Variants in LARP1 observed in about 807,000 individuals in gnomAD.
LARP1 encodes the protein la-related protein 1.
Under a neutral mutation model 122.7 loss-of-function variants are expected in LARP1, and 36 were observed. The observed-to-expected ratio is 0.29, with a 90% CI of 0.22 to 0.39. The LOEUF (loss-of-function observed/expected upper bound fraction) is 0.39, where lower values mean the gene tolerates loss of function less well. Among genes scored for constraint, LARP1 ranks in the 10% least tolerant of loss-of-function variants. The probability of loss-of-function intolerance (pLI) is 1.00; values close to 1 mark genes in which losing one functional copy is unlikely to be tolerated. For synonymous variants in LARP1, 539 were observed against 528.7 expected (o/e 1.02, Z -0.27); for missense variants, 1,040 against 1,403.6 (o/e 0.74, Z 4.14).
At chr5:154,799,840 G>A (rs1167923651) in intron 9 of LARP1, 33 bp from the exon 10 acceptor site, 1 of 1,611,174 alleles carries the variant, frequency 6.2e-7, no homozygotes, top group African/African-American at 1.3e-5. Context: ...AGGAGGACTG[G>A]AGGGATGAGG....
chr5:154,814,027 C>T lies in LARP1; in HGVS notation c.3222C>T (p.Thr1074=), dbSNP rs560438768. The change falls in exon 19 of 19, where the codon ACC becomes ACT. Residue 1074 remains threonine (T), a synonymous_variant. Coordinates refer to ENST00000518297, the MANE Select transcript of LARP1 (RefSeq NM_033551.3). ...TCAGCCAACCCCCTACACCACCCACCGGCCAGCCTGTCCGGGAAGATGCCA... is the reference window on the plus strand; with the variant it reads ...TCAGCCAACCCCCTACACCACCCACTGGCCAGCCTGTCCGGGAAGATGCCA... ...AMISQPPTPP[T]GQPVREDAKW... 39 of 1,614,156 alleles carry T rather than the reference C, an allele frequency of 2.4e-5. No individual in the cohort carries two copies. The highest frequency in any genetic ancestry group is 1.6e-4 in the Middle Eastern group (1 of 6,062).
At chr5:154,692,036 C>T (rs1270311445) in intron 1 of LARP1, among the ~76,000 whole-genome samples, 1 of 152,200 alleles carries the variant, frequency 6.6e-6, no homozygotes, top group Non-Finnish European at 1.5e-5. Flanking sequence ...AGGCGATCCA[C>T]CCGCCTCCGC....
chr5:154,770,967 CCAGGCGTGGCAG>C (rs1755362733), intron 1 of LARP1, among the ~76,000 whole-genome samples: 1 of 152,046 alleles, frequency 6.6e-6, no homozygotes, highest in Non-Finnish European at 1.5e-5. Context: ...CAAAAATTAG[CCAGGCGTGGCAG>C]CAGGCGCCCG....
At chr5:154,738,468 T>C (rs1377772463) in intron 1 of LARP1, among the ~76,000 whole-genome samples, 1 of 152,168 alleles carries the variant, frequency 6.6e-6, no homozygotes, top group East Asian at 1.9e-4. Flanking sequence ...AGCACATGCC[T>C]GTAATCCCAG....
At chr5:154,758,561 G>A (rs529450374) in intron 1 of LARP1, among the ~76,000 whole-genome samples, 2 of 152,206 alleles carry the variant, frequency 1.3e-5, no homozygotes, top group South Asian at 4.1e-4. Context: ...GAGCCTACGT[G>A]GATCTCTGAA....
intron 1 of LARP1, among the ~76,000 whole-genome samples, chr5:154,789,090 A>T (rs1757123835): frequency 1.3e-5 from 2 of 151,920 alleles, no homozygotes. Flanking sequence ...GCGCACTTGC[A>T]GTCCCAGCTA....
At chr5:154,710,103 G>A (rs964233904), upstream of LARP1, among the ~76,000 whole-genome samples, 3 of 152,092 alleles carry the variant, frequency 2.0e-5, no homozygotes, top group African/African-American at 4.8e-5. Context: ...ATGGGGAGCC[G>A]CTGTAAATAC....
chr5:154,778,258 TAA>T (rs577057003), intron 1 of LARP1, among the ~76,000 whole-genome samples: 42 of 119,662 alleles, frequency 3.5e-4, no homozygotes, highest in African/African-American at 5.6e-4. Context: ...AGACTCCGTC[TAA>T]AAAAAAAAAA....
chr5:154,747,846 A>AGAGT (rs1325751451), intron 1 of LARP1, among the ~76,000 whole-genome samples: 1 of 152,096 alleles, frequency 6.6e-6, no homozygotes, highest in Non-Finnish European at 1.5e-5. Context: ...CCTGGGCGAC[A>AGAGT]GAGTGAGACT....
intron 1 of LARP1, among the ~76,000 whole-genome samples, chr5:154,719,863 A>G (rs1266898757): frequency 5.2e-5 from 1 of 19,116 alleles, no homozygotes; most frequent in Non-Finnish European, 9.8e-5. Context: ...CTCTGTCTCA[A>G]AAAAAAAAAA....
chr5:154,770,310 G>C (rs538332543), intron 1 of LARP1, among the ~76,000 whole-genome samples: 1 of 151,214 alleles, frequency 6.6e-6, no homozygotes, highest in Admixed American at 6.6e-5. Context: ...TTGCTATTTC[G>C]TATTTCCTCC....
chr5:154,685,680 T>C (rs1750189351), intron 1 of LARP1: 1 of 378,952 alleles, frequency 2.6e-6, no homozygotes, highest in African/African-American at 2.2e-5. Flanking sequence ...TTGTGCAGAT[T>C]AGAAAAAGGG....
intron 1 of LARP1, chr5:154,685,841 C>T (rs766973220): frequency 6.3e-5 from 32 of 511,438 alleles, no homozygotes; most frequent in Admixed American, 1.0e-4. Flanking sequence ...GAGACGGGGT[C>T]TTGCTCTGTT....
intron 1 of LARP1, among the ~76,000 whole-genome samples, chr5:154,747,488 C>G (rs956016453): frequency 1.3e-5 from 2 of 151,872 alleles, no homozygotes; most frequent in Non-Finnish European, 2.9e-5. Context: ...GGGTGGATCA[C>G]CTGAGGTCGG....
intron 1 of LARP1, chr5:154,718,417 G>A (rs905927217): frequency 6.6e-6 from 1 of 152,186 alleles, no homozygotes; most frequent in Non-Finnish European, 1.5e-5. Context: ...CCAGGCTGGA[G>A]TGCAGTGGCG....
At chr5:154,793,322 T>C (rs1159880063) in intron 4 of LARP1, among the ~76,000 whole-genome samples, 5 of 152,178 alleles carry the variant, frequency 3.3e-5, no homozygotes, top group Non-Finnish European at 5.9e-5. Context: ...GTCTTCATCC[T>C]GGGCTGCCAT....
chr5:154,811,650 ACT>A lies in LARP1; in HGVS notation c.3081+13_3081+14del. 6.2e-7 allele frequency: 1 copy of A among 1,613,928 alleles called. No homozygotes were observed. The highest frequency in any genetic ancestry group is 8.5e-7 in the Non-Finnish European group (1 of 1,179,976). ...AGACTTCCGAGTAGATGTAAGTGAA[ACT>A]CTTTCTCTAACTCTGCTTGTCCTGG... On this transcript the variant is annotated intron_variant, in intron 18 of 18. Coordinates refer to ENST00000518297, the MANE Select transcript of LARP1 (RefSeq NM_033551.3).
At position 154,816,176 on chromosome 5, in the gene LARP1, C is replaced by G. The variant is rs1317089277; in HGVS notation, c.*2080C>G. 3 of 152,836 alleles carry G rather than the reference C, an allele frequency of 2.0e-5. No individual in the cohort carries two copies. The highest frequency in any genetic ancestry group is 4.8e-5 in the African/African-American group (2 of 41,448). 9.5% of individuals were successfully genotyped at this position (152,836 alleles called of 1,614,324 possible). ...ACCAAGGATGAGCGTCTGGTCTCTG[C>G]TATGATGGTGGTATCCGAGGCCTTT... is the stretch of plus-strand genomic sequence containing the variant. On this transcript the variant is annotated 3_prime_UTR_variant, in exon 19 of 19. Coordinates refer to ENST00000518297, the MANE Select transcript of LARP1 (RefSeq NM_033551.3).
At chr5:154,811,927 C>T (rs1294252552) in intron 18 of LARP1, among the ~76,000 whole-genome samples, 2 of 152,190 alleles carry the variant, frequency 1.3e-5, no homozygotes, top group Non-Finnish European at 2.9e-5. Flanking sequence ...CCAAGTTAGC[C>T]ACTACTAGTT....
Sources: gnomAD v4.1 joint callset for allele counts (sites outside exome capture counted in the v4.1 genomes callset) on GRCh38, gnomAD v4.1.1 for gene constraint, MANE v1.5 for transcripts, NCBI Gene and HGNC (gene_info 2026-07-23, HGNC 2026-07-21) for gene names.